Variants in GMDS observed in about 807,000 individuals in gnomAD.
The protein encoded by GMDS is GDP-mannose 4,6-dehydratase, also known as GDP-mannose 4,6 dehydratase.
A neutral mutation model predicts 49.9 loss-of-function variants in GMDS; 20 were observed. The observed-to-expected ratio is 0.40, with a 90% confidence interval of 0.28 to 0.58. The LOEUF (loss-of-function observed/expected upper bound fraction) is 0.58. Among genes scored for constraint, GMDS ranks in the 20% least tolerant of loss-of-function variants. The pLI is 0.42. For missense variants in GMDS, 362 were observed against 481.4 expected, an observed-to-expected ratio of 0.75 and a Z score of 2.32; for synonymous variants, 177 against 178.6, an observed-to-expected ratio of 0.99 and a Z score of 0.07.
chr6:1,638,868 G>A (rs1763244370), intron 9 of GMDS, among the ~76,000 whole-genome samples: 1 of 152,198 alleles, frequency 6.6e-6, no homozygotes, highest in Non-Finnish European at 1.5e-5. Flanking sequence ...CATGAGTAGA[G>A]TGAGTCTGGA....
At chr6:1,633,014 A>G (rs1354396418) in intron 9 of GMDS, among the ~76,000 whole-genome samples, 1 of 152,250 alleles carries the variant, frequency 6.6e-6, no homozygotes, top group African/African-American at 2.4e-5. Flanking sequence ...AAACGGGGAC[A>G]GCAAGGCTTG....
At chr6:2,069,760 A>G (rs1771864087) in intron 4 of GMDS, among the ~76,000 whole-genome samples, 1 of 152,146 alleles carries the variant, frequency 6.6e-6, no homozygotes, top group African/African-American at 2.4e-5. Context: ...TTAAAAAGTC[A>G]AGAAACAACA....
chr6:1,916,387 AG>A (rs1466519516), intron 7 of GMDS, among the ~76,000 whole-genome samples: 1 of 152,064 alleles, frequency 6.6e-6, no homozygotes, highest in Non-Finnish European at 1.5e-5. Context: ...GATTCTCCAA[AG>A]TAAGAGTTTT....
chr6:1,692,636 G>A lies in GMDS; in HGVS notation c.987+33780C>T, dbSNP rs79057046. On this transcript the variant is annotated intron_variant, in intron 9 of 10. Coordinates refer to ENST00000380815, the MANE Select transcript of GMDS (RefSeq NM_001500.4). ...CATATTACATAGTCCCTATTGCTAC[G>A]TCTTCAAGTTCACTAATCTTTTCTT... 1.8e-3 allele frequency among the ~76,000 whole-genome samples: 274 copies of A among 152,048 alleles called. 3 individuals carry two copies. Among genetic ancestry groups the A allele is most frequent in the African/African-American group, 6.1e-3 (255 of 41,486 alleles).
intron 6 of GMDS, among the ~76,000 whole-genome samples, chr6:1,954,902 A>G (rs981195006): frequency 1.3e-5 from 2 of 152,156 alleles, no homozygotes; most frequent in African/African-American, 2.4e-5. Flanking sequence ...AACACACACA[A>G]TATTTACGGA....
intron 9 of GMDS, among the ~76,000 whole-genome samples, chr6:1,713,021 C>T (rs1362822143): frequency 1.3e-5 from 2 of 152,162 alleles, no homozygotes; most frequent in African/African-American, 2.4e-5. Flanking sequence ...ATCATATCTG[C>T]GTTTCTCCCA....
intron 4 of GMDS, among the ~76,000 whole-genome samples, chr6:2,005,034 C>G (rs1328648225): frequency 6.6e-6 from 1 of 152,144 alleles, no homozygotes; most frequent in African/African-American, 2.4e-5. Flanking sequence ...CAGAGCTTCT[C>G]AAGTACTTAA....
chr6:1,658,805 G>A (rs562775526), intron 9 of GMDS, among the ~76,000 whole-genome samples: 2 of 152,328 alleles, frequency 1.3e-5, no homozygotes, highest in African/African-American at 4.8e-5. Flanking sequence ...TCACCTTGCC[G>A]GCATGGCACT....
intron 9 of GMDS, among the ~76,000 whole-genome samples, chr6:1,634,016 A>T (rs937990765): frequency 2.6e-5 from 4 of 152,238 alleles, no homozygotes; most frequent in Admixed American, 2.6e-4. Flanking sequence ...ACTGTCATTT[A>T]GCTGTGTGTC....
chr6:1,821,318 T>A (rs1026062956), intron 7 of GMDS, among the ~76,000 whole-genome samples: 5 of 151,900 alleles, frequency 3.3e-5, no homozygotes, highest in African/African-American at 1.2e-4. Context: ...CCCTCCCAGC[T>A]CCTTTTGAGC....
At chr6:1,904,914 C>T (rs980689061) in intron 7 of GMDS, among the ~76,000 whole-genome samples, 5 of 152,038 alleles carry the variant, frequency 3.3e-5, no homozygotes, top group East Asian at 1.9e-4. Context: ...TCAGAGGCAA[C>T]GTTAAGTTCC....
At chr6:2,002,322 G>C (rs1299152976) in intron 4 of GMDS, among the ~76,000 whole-genome samples, 1 of 152,198 alleles carries the variant, frequency 6.6e-6, no homozygotes, top group Non-Finnish European at 1.5e-5. Context: ...CAAAAGTTAT[G>C]TATCAGGTGG....
At position 1,862,240 on chromosome 6, in the gene GMDS, T is replaced by C. The variant is rs531087762; in HGVS notation, c.771+67863A>G. On this transcript the variant is annotated intron_variant, in intron 7 of 10. Transcript: ENST00000380815. ...ATGACTTAAGCTCATTTATTTATTT[T>C]TGTGGCAGTGGGTGATCCATCAGTA... 7.9e-5 allele frequency among the ~76,000 whole-genome samples: 12 copies of C among 152,354 alleles called. No homozygotes were observed. In the East Asian group the frequency reaches 2.3e-3, roughly 29 times the overall value.
intron 1 of GMDS, among the ~76,000 whole-genome samples, chr6:2,144,038 T>C (rs1776434287): frequency 1.3e-5 from 2 of 152,072 alleles, no homozygotes; most frequent in Admixed American, 6.6e-5. Context: ...AAAACAGTAA[T>C]AATAAAAATA....
At chr6:1,690,180 A>G (rs1023867641) in intron 9 of GMDS, among the ~76,000 whole-genome samples, 3 of 152,166 alleles carry the variant, frequency 2.0e-5, no homozygotes, top group Non-Finnish European at 2.9e-5. Flanking sequence ...TTTGAGCATC[A>G]TTTGTTTTAA....
chr6:1,765,455 T>C (rs767184849), intron 7 of GMDS, among the ~76,000 whole-genome samples: 5 of 152,002 alleles, frequency 3.3e-5, no homozygotes, highest in Non-Finnish European at 7.4e-5. Flanking sequence ...TAGGCAAGAG[T>C]GAGCCCAGGA....
chr6:2,006,700 C>G (rs1245597587), intron 4 of GMDS, among the ~76,000 whole-genome samples: 2 of 152,194 alleles, frequency 1.3e-5, no homozygotes, highest in African/African-American at 4.8e-5. Context: ...ATTTCTACCA[C>G]CTTTTCCATT....
intron 7 of GMDS, among the ~76,000 whole-genome samples, chr6:1,917,550 A>G (rs1486022882): frequency 6.6e-6 from 1 of 152,242 alleles, no homozygotes; most frequent in Admixed American, 6.5e-5. Context: ...ATAGATCTTT[A>G]TATTTTATTT....
intron 1 of GMDS, among the ~76,000 whole-genome samples, chr6:2,187,044 T>C (rs968766631): frequency 2.0e-5 from 3 of 152,242 alleles, no homozygotes; most frequent in African/African-American, 7.2e-5. Flanking sequence ...TCGTATTTCC[T>C]ATTTTCCTCT....
Sources: allele counts gnomAD v4.1 joint callset (sites outside exome capture counted in the v4.1 genomes callset), GRCh38; gene constraint gnomAD v4.1.1; transcripts MANE v1.5; gene names NCBI Gene and HGNC (gene_info 2026-07-23, HGNC 2026-07-21).